The following SLC14A2 variants were observed in gnomAD, a reference collection of about 807,000 sequenced individuals.
SLC14A2 encodes the protein solute carrier family 14 member 2.
In SLC14A2, 91 loss-of-function variants were observed where a neutral mutation model predicts 104.6. That is an observed-to-expected ratio of 0.87 (90% CI 0.73 to 1.04). The LOEUF is 1.04. Among genes scored for constraint, SLC14A2 ranks in the 50% least tolerant of loss-of-function variants. SLC14A2 has a pLI of 0.00. For synonymous variants in SLC14A2, 476 were observed against 466.4 expected (o/e 1.02, Z -0.27); for missense variants, 1,189 against 1,156.0 (o/e 1.03, Z -0.41).
At chr18:45,206,758 T>C in the SLC14A2 span, among the ~76,000 whole-genome samples, 12 of 152,310 alleles carry the variant, frequency 7.9e-5, no homozygotes, top group Non-Finnish European at 1.6e-4. Context: ...CTCAGGCCTC[T>C]GGACAGGGGG....
At chr18:45,311,860 T>C (rs2085082481) in intron 1 of SLC14A2, among the ~76,000 whole-genome samples, 1 of 152,168 alleles carries the variant, frequency 6.6e-6, no homozygotes, top group African/African-American at 2.4e-5. Context: ...GATGGGGAGA[T>C]AGTGGCAGAT....
intron 1 of SLC14A2, among the ~76,000 whole-genome samples, chr18:45,619,433 GTAGATA>G (rs1367766967): frequency 1.3e-5 from 2 of 152,230 alleles, no homozygotes; most frequent in African/African-American, 4.8e-5. Context: ...CAGGCGAACG[GTAGATA>G]TTCAACAAGG....
At chr18:45,558,107 C>T (rs954716945) in intron 2 of SLC14A2, among the ~76,000 whole-genome samples, 1 of 152,134 alleles carries the variant, frequency 6.6e-6, no homozygotes, top group African/African-American at 2.4e-5. Flanking sequence ...TCTCCACCTC[C>T]TATAGTCCCT....
chr18:45,276,963 G>A (rs1178154210), intron 1 of SLC14A2, among the ~76,000 whole-genome samples: 1 of 152,148 alleles, frequency 6.6e-6, no homozygotes, highest in South Asian at 2.1e-4. Flanking sequence ...GTGATCCTGG[G>A]CCTTTGGCCT....
chr18:45,682,253 T>G, intron 19 of SLC14A2, 66 bp from the exon 20 acceptor site: 1 of 1,419,902 alleles, frequency 7.0e-7, no homozygotes, highest in Non-Finnish European at 1.0e-6. Flanking sequence ...AGGTGATTGA[T>G]AAGGGCTGAT....
intron 1 of SLC14A2, among the ~76,000 whole-genome samples, chr18:45,331,690 C>CA (rs11348476): frequency 0.077 from 6,685 of 87,198 alleles, 226 homozygotes; most frequent in Middle Eastern, 0.16. Flanking sequence ...GACTCCGTCT[C>CA]AAAAAAAAAA....
chr18:45,605,464 A>G (rs931296), intron 2 of SLC14A2, among the ~76,000 whole-genome samples: 110,258 of 151,852 alleles, frequency 0.73, 40,241 homozygotes, highest in East Asian at 0.85. Context: ...CCGGGGGCAC[A>G]AAGAAGCATT....
At chr18:45,680,792 C>T (rs66757288) in intron 19 of SLC14A2, among the ~76,000 whole-genome samples, 13 of 152,216 alleles carry the variant, frequency 8.5e-5, no homozygotes, top group African/African-American at 2.9e-4. Flanking sequence ...AACTGAGATT[C>T]GGTTCTTGGA....
chr18:45,414,753 AAAAAATATATATATATATATATATAT>A (rs1250410107), intron 1 of SLC14A2, among the ~76,000 whole-genome samples: 6 of 64,008 alleles, frequency 9.4e-5, no homozygotes, highest in African/African-American at 1.6e-4. Flanking sequence ...GTAAAAAAAA[AAAAAATATATATATATATATATATAT>A]ATATATATAT....
At position 45,261,260 on chromosome 18, in the gene SLC14A2, G is replaced by A. The variant is rs546660207; in HGVS notation, c.-125+48069G>A. Among the ~76,000 whole-genome samples the A allele has an allele frequency of 1.5e-4, 22 of 151,666 alleles. No individual in the cohort carries two copies. In the East Asian group the frequency reaches 2.1e-3, roughly 15 times the overall value. Reference sequence around the variant, plus strand: ...TTCCCATCTATGAGTGAGAACATGCGGGGTTTGGTTTTTTGTCCTTGCGAT... The same window carrying A: ...TTCCCATCTATGAGTGAGAACATGCAGGGTTTGGTTTTTTGTCCTTGCGAT... On this transcript the variant is annotated intron_variant, in intron 1 of 20. Coordinates refer to the SLC14A2 transcript ENST00000586448.
At chr18:45,291,311 ATTCT>A (rs1310531325) in intron 1 of SLC14A2, among the ~76,000 whole-genome samples, 1 of 152,168 alleles carries the variant, frequency 6.6e-6, no homozygotes, top group Admixed American at 6.5e-5. Flanking sequence ...AAAAGAGACA[ATTCT>A]TTCTTTCTCT....
In SLC14A2 at chr18:45,378,928, C is replaced by A. The variant is rs559039556; in HGVS notation, c.-124-104305C>A. On this transcript the variant is annotated intron_variant, in intron 1 of 20. Transcript: ENST00000586448. ...TCCTGGTCGCTCAATGCATTTTGAT[C>A]AAATCAGCCTTATGGTGAAAAGATA... Among the ~76,000 whole-genome samples, 6 of 152,218 alleles carry A rather than the reference C, an allele frequency of 3.9e-5. No individual in the cohort carries two copies. The South Asian group carries it at 1.2e-3, about 32-fold the overall frequency.
intron 1 of SLC14A2, among the ~76,000 whole-genome samples, chr18:45,402,689 A>C (rs994993613): frequency 1.3e-5 from 2 of 151,934 alleles, no homozygotes; most frequent in Non-Finnish European, 2.9e-5. Flanking sequence ...CCCCAACCCC[A>C]CCTGCCATTT....
intron 2 of SLC14A2, among the ~76,000 whole-genome samples, chr18:45,498,957 T>A (rs1396435610): frequency 6.6e-6 from 1 of 152,224 alleles, no homozygotes; most frequent in East Asian, 1.9e-4. Flanking sequence ...GTTTAAGCCT[T>A]TAGCCTCTGC....
At chr18:45,282,485 C>T (rs1274814676) in intron 1 of SLC14A2, among the ~76,000 whole-genome samples, 3 of 152,160 alleles carry the variant, frequency 2.0e-5, no homozygotes, top group African/African-American at 7.2e-5. Context: ...AAACTGTGTG[C>T]TTGTCCTTAC....
chr18:45,172,243 C>T, the SLC14A2 span, among the ~76,000 whole-genome samples: 1 of 152,146 alleles, frequency 6.6e-6, no homozygotes, highest in Non-Finnish European at 1.5e-5. Context: ...CAACCATCAT[C>T]AAAACAATTT....
chr18:45,380,998 C>T (rs1294222767), intron 1 of SLC14A2, among the ~76,000 whole-genome samples: 1 of 152,208 alleles, frequency 6.6e-6, no homozygotes, highest in Non-Finnish European at 1.5e-5. Flanking sequence ...CTCTAGTCTC[C>T]AGGATCTAGA....
At chr18:45,668,770 C>T (rs2046077740) in intron 15 of SLC14A2, among the ~76,000 whole-genome samples, 1 of 152,224 alleles carries the variant, frequency 6.6e-6, no homozygotes, top group Non-Finnish European at 1.5e-5. Flanking sequence ...TGGTTAAGAG[C>T]TGCACTATAG....
chr18:45,204,718 T>C, the SLC14A2 span, among the ~76,000 whole-genome samples: 1 of 151,754 alleles, frequency 6.6e-6, no homozygotes, highest in Admixed American at 6.6e-5. Context: ...TTATTGGACA[T>C]ATAAGCCATG....
Sources: allele counts gnomAD v4.1 joint callset (sites outside exome capture counted in the v4.1 genomes callset), GRCh38; gene constraint gnomAD v4.1.1; transcripts MANE v1.5; gene names NCBI Gene and HGNC (gene_info 2026-07-23, HGNC 2026-07-21).